HSPG2: variants seen among roughly 807,000 people sequenced by gnomAD.
HSPG2 encodes basement membrane-specific heparan sulfate proteoglycan core protein.
HSPG2 carries 278 observed loss-of-function variants against 526.6 expected under a neutral mutation model. That is an observed-to-expected ratio of 0.53 (90% CI 0.48 to 0.58). HSPG2 has a LOEUF of 0.58. Among genes scored for constraint, HSPG2 ranks in the 20% least tolerant of loss-of-function variants. The probability of loss-of-function intolerance (pLI) is 0.00; values close to 1 mark genes in which losing one functional copy is unlikely to be tolerated. For missense variants in HSPG2, 5,354 were observed against 6,099.5 expected (o/e 0.88, Z 4.07); for synonymous variants, 2,465 against 2,555.4 (o/e 0.96, Z 1.07).
chr1:21,855,354 G>T lies in HSPG2; in HGVS notation c.5947C>A (p.Pro1983Thr). The T allele has an allele frequency of 6.2e-7, 1 of 1,611,002 alleles. No homozygotes were observed. Among genetic ancestry groups the T allele is most frequent in the South Asian group, 1.1e-5 (1 of 90,330 alleles). Residue 1983 changes from proline (P) to threonine (T), a missense_variant, in exon 47 of 97, where the codon CCT becomes ACT. Pro to Thr is a conservative substitution (Grantham distance 38, BLOSUM62 -1). Transcript: ENST00000374695. ...TTCCTCCAGGTGATGGTGGCGCTAG[G>T]CACGCCTGCAGCCCTGCAGTACAGC... ...VRLYCRAAGV[P>T]SATITWRKEG... is the part of the protein sequence containing the mutation.
In HSPG2 at chr1:21,827,416, G is replaced by A. The variant is rs183430848; in HGVS notation, c.12589+447C>T. On this transcript the variant is annotated intron_variant, in intron 91 of 96. Transcript: ENST00000374695. The stretch of plus-strand genomic sequence containing the variant: ...CTCTTACCCACTATACCACTGCCTC[G>A]CCTATTATATTAGTGATACATAAGA... Among the ~76,000 whole-genome samples, 479 of 152,180 alleles carry A rather than the reference G, an allele frequency of 3.1e-3. 3 individuals are homozygous for A. The highest frequency in any genetic ancestry group is 3.4e-3 in the Middle Eastern group (1 of 294).
intron 62 of HSPG2, among the ~76,000 whole-genome samples, chr1:21,846,888 T>G (rs111417196): frequency 6.6e-6 from 1 of 152,030 alleles, no homozygotes; most frequent in African/African-American, 2.4e-5. Flanking sequence ...TAGTCTCAGC[T>G]ACTCGGGAAG....
In HSPG2 at chr1:21,858,980, T is replaced by C. The variant is rs982540659; in HGVS notation, c.5293+586A>G. On this transcript the variant is annotated intron_variant, in intron 42 of 96. Transcript: ENST00000374695. This position sits in a 1 kb window ranked among gnomAD's most constrained non-coding sequence, Gnocchi z 4.2. ...GCAATCTGCTTGGTGACACAGCCTT[T>C]ATGGACGCCCTCCCATCCCTGTCTC... Among the ~76,000 whole-genome samples the C allele has an allele frequency of 6.6e-6, 1 of 151,708 alleles. No individual in the cohort carries two copies. The highest frequency in any genetic ancestry group is 2.4e-5 in the African/African-American group (1 of 41,250).
chr1:21,832,307 A>G (rs145279568), intron 81 of HSPG2, among the ~76,000 whole-genome samples, 188 bp downstream of exon 81: 41 of 152,304 alleles, frequency 2.7e-4, no homozygotes, highest in African/African-American at 9.9e-4. Flanking sequence ...CCCAAGTCTG[A>G]GGTTGCACCC....
At chr1:21,897,893 A>C (rs965929498) in intron 1 of HSPG2, among the ~76,000 whole-genome samples, 3 of 152,118 alleles carry the variant, frequency 2.0e-5, no homozygotes, top group Middle Eastern at 3.2e-3. Context: ...GGATGACTAG[A>C]AAGAAACTCT....
intron 9 of HSPG2, among the ~76,000 whole-genome samples, chr1:21,886,987 G>A (rs935785576): frequency 3.9e-5 from 6 of 152,182 alleles, no homozygotes; most frequent in Non-Finnish European, 7.3e-5. Flanking sequence ...TTCACCAAAG[G>A]CCAGCTCAGG....
intron 33 of HSPG2, chr1:21,869,411 G>T (rs547039842): frequency 4.1e-6 from 4 of 982,270 alleles, no homozygotes; most frequent in South Asian, 9.4e-5. Context: ...AGAAATGACT[G>T]AAGTCTAGAA....
intron 64 of HSPG2, among the ~76,000 whole-genome samples, chr1:21,844,787 A>C (rs1638292062): frequency 6.6e-6 from 1 of 152,244 alleles, no homozygotes; most frequent in Admixed American, 6.5e-5. Flanking sequence ...TGTGAGGATA[A>C]AATGAACTAA....
At position 21,843,450 on chromosome 1, in the gene HSPG2, G is replaced by C; in HGVS notation, c.8617-12C>G. ...AGTGGGCCGTGGACCTGGCCAAGGT[G>C]GGGTGAGAGCGGGGAGGGTGAGCTG... is the stretch of plus-strand genomic sequence containing the variant. On this transcript the variant is annotated splice_polypyrimidine_tract_variant and intron_variant, in intron 65 of 96. Coordinates refer to ENST00000374695, the MANE Select transcript of HSPG2 (RefSeq NM_005529.7). 1.2e-6 allele frequency: 2 copies of C among 1,608,382 alleles called. No individual in the cohort carries two copies. Among genetic ancestry groups the C allele is most frequent in the Non-Finnish European group, 1.7e-6 (2 of 1,176,352 alleles).
At chr1:21,852,600 T>G (rs1035192196) in intron 52 of HSPG2, 100 bp downstream of exon 52, 1 of 1,519,716 alleles carries the variant, frequency 6.6e-7, no homozygotes, top group African/African-American at 1.4e-5. Flanking sequence ...AGCTCCGGTG[T>G]GGGCCTTCTG....
chr1:21,879,978 G>A, intron 17 of HSPG2, 129 bp downstream of exon 17: 3 of 1,111,718 alleles, frequency 2.7e-6, no homozygotes, highest in Non-Finnish European at 4.1e-6. Flanking sequence ...GCATCCAGAG[G>A]TCATGATAGT....
chr1:21,847,594 G>T lies in HSPG2; in HGVS notation c.8025+95C>A. ...GCTCAGCCTGTTGAGGCTGCTATCG[G>T]TCTACCCAGGGCCCAATCCGTGAGA... On this transcript the variant is annotated intron_variant, in intron 61 of 96. Transcript: ENST00000374695. This position sits in a 1 kb window ranked among gnomAD's most constrained non-coding sequence, Gnocchi z 4.1. 3 of 1,605,378 alleles carry T rather than the reference G, an allele frequency of 1.9e-6. No homozygotes were observed. Among genetic ancestry groups the T allele is most frequent in the Non-Finnish European group, 2.6e-6 (3 of 1,173,994 alleles).
At chr1:21,897,145 C>T (rs1238862804) in intron 1 of HSPG2, among the ~76,000 whole-genome samples, 2 of 152,200 alleles carry the variant, frequency 1.3e-5, no homozygotes, top group Non-Finnish European at 2.9e-5. Context: ...AGACAAGATC[C>T]GGATGATTCC....
In HSPG2 at chr1:21,824,797, G is replaced by A; in HGVS notation, c.12590-18C>T. ...AGGGGCATCTGTGGGAGAGAGGAGG[G>A]TGGTGCCATACCTGCTGCATCAGGC... is the stretch of plus-strand genomic sequence containing the variant. On this transcript the variant is annotated intron_variant, in intron 91 of 96. Transcript: ENST00000374695. This position sits in a 1 kb window ranked among gnomAD's most constrained non-coding sequence, Gnocchi z 5.9. The A allele has an allele frequency of 6.2e-7, 1 of 1,605,356 alleles. No individual in the cohort carries two copies. Among genetic ancestry groups the A allele is most frequent in the Non-Finnish European group, 8.5e-7 (1 of 1,175,078 alleles).
At chr1:21,877,387 C>T (rs948376691) in intron 21 of HSPG2, 1 of 152,894 alleles carries the variant, frequency 6.5e-6, no homozygotes, top group African/African-American at 2.4e-5. Context: ...TGTGAAATGA[C>T]TTGCACAAAG....
In HSPG2 at chr1:21,838,994, T is replaced by C; in HGVS notation, c.9981A>G (p.Pro3327=). 6.2e-7 allele frequency: 1 copy of C among 1,611,050 alleles called. No individual in the cohort carries two copies. The highest frequency in any genetic ancestry group is 1.1e-5 in the South Asian group (1 of 90,988). The change falls in exon 74 of 97, where the codon CCA becomes CCG. Residue 3327 remains proline (P), a synonymous_variant. Transcript: ENST00000374695. ...QLQCLAHGTP[P]LTFQWSRVGS... is the part of the protein sequence containing the mutation. ...CCACGCGGCTCCACTGGAAGGTGAG[T>C]GGGGGTGTCCCGTGAGCCAGGCACT...
Position 21,879,084 on chromosome 1 carries a change from T to TTGTTGCACTGTGGCCCCTCCG in HSPG2, c.2360_2380dup (p.Thr787_Asn793dup). 1.9e-6 allele frequency: 3 copies of TTGTTGCACTGTGGCCCCTCCG among 1,614,252 alleles called. No homozygotes were observed. Among genetic ancestry groups the TTGTTGCACTGTGGCCCCTCCG allele is most frequent in the Non-Finnish European group, 2.5e-6 (3 of 1,180,048 alleles). On this transcript the variant is annotated inframe_insertion, in exon 18 of 97. Coordinates refer to ENST00000374695, the MANE Select transcript of HSPG2 (RefSeq NM_005529.7). ...GTCCCCAAAGAAGCCAGCCTTGCAC[T>TTGTTGCACTGTGGCCCCTCCG]TGTTGCACTGTGGCCCCTCCGTGTT...
At chr1:21,843,975 G>A (rs527993950) in intron 65 of HSPG2, among the ~76,000 whole-genome samples, 173 bp downstream of exon 65, 2 of 152,360 alleles carry the variant, frequency 1.3e-5, no homozygotes, top group South Asian at 2.1e-4. Context: ...GTGCTGTGGG[G>A]CTGGTGGTGG....
At chr1:21,883,763 G>A (rs1359532379) in intron 13 of HSPG2, among the ~76,000 whole-genome samples, 1 of 152,212 alleles carries the variant, frequency 6.6e-6, no homozygotes, top group Non-Finnish European at 1.5e-5. Context: ...GCAGGGTGAG[G>A]GCTGCTTGAT....
Sources: allele counts gnomAD v4.1 joint callset (sites outside exome capture counted in the v4.1 genomes callset), GRCh38; gene constraint gnomAD v4.1.1; non-coding constraint Gnocchi (gnomAD v3.1); transcripts MANE v1.5; gene names NCBI Gene and HGNC (gene_info 2026-07-23, HGNC 2026-07-21).